CDC25A: variants seen among roughly 807,000 people sequenced by gnomAD.
CDC25A encodes the protein cell division cycle 25A, also known as M-phase inducer phosphatase 1.
Under a neutral mutation model 64.6 loss-of-function variants are expected in CDC25A, and 17 were observed. That is an observed-to-expected ratio of 0.26 (90% CI 0.18 to 0.39). The LOEUF (loss-of-function observed/expected upper bound fraction) is 0.39, where lower values mean the gene tolerates loss of function less well. Ranked by LOEUF, CDC25A falls within the 10% of genes least tolerant of loss-of-function variation. The pLI is 1.00. For missense variants in CDC25A, 473 were observed against 654.8 expected (o/e 0.72, Z 3.03); for synonymous variants, 229 against 238.6 (o/e 0.96, Z 0.37).
intron 14 of CDC25A, 42 bp downstream of exon 14, chr3:48,159,302 G>A (rs1204288387): frequency 1.4e-6 from 2 of 1,443,104 alleles, no homozygotes; most frequent in Non-Finnish European, 1.9e-6. Flanking sequence ...TCTACCACTG[G>A]GGGCAGGGGA....
At chr3:48,167,356 C>G (rs1016193996) in intron 10 of CDC25A, among the ~76,000 whole-genome samples, 3 of 152,206 alleles carry the variant, frequency 2.0e-5, no homozygotes, top group African/African-American at 7.2e-5. Flanking sequence ...TGCAGCCAAG[C>G]CTTCATGTAG....
rs150274172 is a variant in CDC25A at position 48,157,442 on chromosome 3, G to C, written c.*1503C>G. 1 of 152,594 alleles carries C rather than the reference G, an allele frequency of 6.6e-6. No individual in the cohort carries two copies. Among genetic ancestry groups the C allele is most frequent in the Non-Finnish European group, 1.5e-5 (1 of 68,030 alleles). 9.5% of individuals were successfully genotyped at this position (152,594 alleles called of 1,614,324 possible). A position where few individuals can be genotyped will look rare whatever the true frequency, so the allele number is the denominator to read the frequency against. On this transcript the variant is annotated 3_prime_UTR_variant, in exon 15 of 15. Transcript: ENST00000302506. ...GTAACACAGCAACTAGCCATCTCCA[G>C]TATCACTGATTCCCACCCCAAGAAG... is the stretch of plus-strand genomic sequence containing the variant.
At chr3:48,183,577 A>C (rs1017912234) in intron 4 of CDC25A, among the ~76,000 whole-genome samples, 1 of 152,120 alleles carries the variant, frequency 6.6e-6, no homozygotes, top group African/African-American at 2.4e-5. Context: ...GCTCCTCTGG[A>C]AGTTGAGGTG....
chr3:48,161,128 G>T (rs2031741186), intron 13 of CDC25A: 1 of 147,692 alleles, frequency 6.8e-6, no homozygotes, highest in African/African-American at 2.6e-5. Flanking sequence ...TTCCAGCCTG[G>T]GCGAAAGGGC....
At chr3:48,165,575 C>A in intron 12 of CDC25A, 61 bp downstream of exon 12, 5 of 1,178,126 alleles carry the variant, frequency 4.2e-6, no homozygotes, top group Non-Finnish European at 6.3e-6. Flanking sequence ...CTGTCCTCCC[C>A]ACTTTAAAAC....
At chr3:48,167,814 A>G in intron 10 of CDC25A, 32 bp downstream of exon 10, 1 of 1,203,600 alleles carries the variant, frequency 8.3e-7, no homozygotes, top group Non-Finnish European at 1.2e-6. Context: ...ACTCCCTCCT[A>G]CACTTGCCAG....
chr3:48,170,429 A>G (rs993082172), intron 9 of CDC25A, among the ~76,000 whole-genome samples: 1 of 152,156 alleles, frequency 6.6e-6, no homozygotes, highest in Non-Finnish European at 1.5e-5. Flanking sequence ...ACTCAAGAAA[A>G]CACATTTACC....
chr3:48,184,079 C>T (rs1177061472), intron 3 of CDC25A, among the ~76,000 whole-genome samples: 2 of 152,012 alleles, frequency 1.3e-5, no homozygotes, highest in East Asian at 1.9e-4. Context: ...CGGCTGGGCG[C>T]GGTGGCTCAC....
intron 5 of CDC25A, 42 bp downstream of exon 5, chr3:48,182,887 T>G: frequency 7.6e-7 from 1 of 1,321,674 alleles, no homozygotes. Context: ...AGCCTGTGGG[T>G]TTCACCTCTG....
intron 13 of CDC25A, among the ~76,000 whole-genome samples, chr3:48,160,036 C>T (rs965122130): frequency 2.0e-4 from 31 of 152,166 alleles, no homozygotes; most frequent in Non-Finnish European, 1.0e-4. Context: ...CTTGTTCACC[C>T]CACGCCAGCC....
At chr3:48,174,968 C>T (rs2032403022) in intron 8 of CDC25A, among the ~76,000 whole-genome samples, 1 of 152,096 alleles carries the variant, frequency 6.6e-6, no homozygotes, top group Non-Finnish European at 1.5e-5. Flanking sequence ...GTAGCAAATG[C>T]CTTTCAAAAT....
chr3:48,168,620 CTTT>C (rs35535424), intron 9 of CDC25A, among the ~76,000 whole-genome samples: 5 of 135,442 alleles, frequency 3.7e-5, no homozygotes, highest in South Asian at 2.3e-4. Context: ...TATGTCTTAA[CTTT>C]TTTTTTTTTT....
At chr3:48,177,220 T>C (rs2032497235) in intron 8 of CDC25A, 151 bp downstream of exon 8, 1 of 634,162 alleles carries the variant, frequency 1.6e-6, no homozygotes, top group East Asian at 2.7e-5. Flanking sequence ...TGACTAAAGG[T>C]CATAATTTGT....
intron 2 of CDC25A, 101 bp downstream of exon 2, chr3:48,186,602 G>T: frequency 3.0e-6 from 2 of 663,038 alleles, no homozygotes; most frequent in Non-Finnish European, 2.7e-6. Flanking sequence ...ATCACCCAAT[G>T]CCATGACTTC....
chr3:48,163,460 C>A (rs1018568143), intron 13 of CDC25A, among the ~76,000 whole-genome samples: 1 of 151,674 alleles, frequency 6.6e-6, no homozygotes, highest in African/African-American at 2.4e-5. Context: ...CAAAATTAGC[C>A]GGGCGTGATG....
At chr3:48,180,442 T>C (rs1314123699) in intron 6 of CDC25A, 2 of 293,098 alleles carry the variant, frequency 6.8e-6, no homozygotes, top group East Asian at 5.9e-5. Context: ...AATCCCACCA[T>C]ACATACATTT....
At chr3:48,174,517 A>G in intron 8 of CDC25A, 60 bp from the exon 9 acceptor site, 1 of 1,509,930 alleles carries the variant, frequency 6.6e-7, no homozygotes, top group Non-Finnish European at 9.0e-7. Context: ...CTTGAATGGT[A>G]AGACAAATAA....
Position 48,157,240 on chromosome 3 carries a change from G to A in CDC25A, c.*1705C>T, listed in dbSNP as rs960277772. 1 of 152,112 alleles carries A rather than the reference G, an allele frequency of 6.6e-6. No homozygotes were observed. Among genetic ancestry groups the A allele is most frequent in the South Asian group, 2.1e-4 (1 of 4,828 alleles). 9.4% of individuals were successfully genotyped at this position (152,112 alleles called of 1,614,324 possible). On this transcript the variant is annotated 3_prime_UTR_variant, in exon 15 of 15. Coordinates refer to ENST00000302506, the MANE Select transcript of CDC25A (RefSeq NM_001789.3). Reference sequence around the variant, plus strand: ...GTTGGTTAGTAATGCTAGCTAAGCTGGTATAATCTGAAGGCCATCCCACCT... The same window carrying A: ...GTTGGTTAGTAATGCTAGCTAAGCTAGTATAATCTGAAGGCCATCCCACCT...
At chr3:48,186,851 C>T (rs2032863037) in intron 1 of CDC25A, 72 bp from the exon 2 acceptor site, 4 of 1,034,290 alleles carry the variant, frequency 3.9e-6, no homozygotes, top group Non-Finnish European at 4.4e-6. Context: ...GGAGATAGGC[C>T]ATGAGATTAA....
Sources: allele counts gnomAD v4.1 joint callset (sites outside exome capture counted in the v4.1 genomes callset), GRCh38; gene constraint gnomAD v4.1.1; transcripts MANE v1.5; gene names NCBI Gene and HGNC (gene_info 2026-07-23, HGNC 2026-07-21).